RAPGEF4: variants seen among roughly 807,000 people sequenced by gnomAD.
The protein encoded by RAPGEF4 is RAP guanine-nucleotide-exchange factor (GEF) 4.
Under a neutral mutation model 147.9 loss-of-function variants are expected in RAPGEF4, and 66 were observed. The ratio of observed to expected loss-of-function variants is 0.45; its 90% CI spans 0.37 to 0.55. RAPGEF4 has a LOEUF of 0.55. Ranked by LOEUF, RAPGEF4 falls within the 20% of genes least tolerant of loss-of-function variation. The pLI, the probability that RAPGEF4 is intolerant of heterozygous loss-of-function variation, is 0.00. For missense variants in RAPGEF4, 1,071 were observed against 1,257.3 expected, an observed-to-expected ratio of 0.85 and a Z score of 2.24; for synonymous variants, 419 against 442.7, an observed-to-expected ratio of 0.95 and a Z score of 0.67.
intron 10 of RAPGEF4, among the ~76,000 whole-genome samples, chr2:172,981,129 C>G (rs751505298): frequency 2.0e-5 from 3 of 152,190 alleles, no homozygotes; most frequent in Non-Finnish European, 4.4e-5. Flanking sequence ...TTTCTCCTCT[C>G]ACCGTAACAG....
At chr2:173,040,115 G>A (rs563824031) in intron 29 of RAPGEF4, among the ~76,000 whole-genome samples, 8 of 149,648 alleles carry the variant, frequency 5.3e-5, no homozygotes, top group African/African-American at 2.0e-4. Context: ...TTGAACCTGG[G>A]AGGCAGAGAT....
chr2:172,817,932 A>ATT (rs1300162966), intron 4 of RAPGEF4, among the ~76,000 whole-genome samples: 1 of 147,202 alleles, frequency 6.8e-6, no homozygotes, highest in African/African-American at 2.5e-5. Context: ...ACATATTACA[A>ATT]TTATATATAT....
chr2:173,030,973 A>G (rs900568601), intron 26 of RAPGEF4, among the ~76,000 whole-genome samples: 1 of 152,202 alleles, frequency 6.6e-6, no homozygotes, highest in African/African-American at 2.4e-5. Flanking sequence ...ACTAATCTCT[A>G]ATAGAACATA....
In RAPGEF4 at chr2:172,940,049, T is replaced by C. The variant is rs193111143; in HGVS notation, c.537+17749T>C. On this transcript the variant is annotated intron_variant, in intron 6 of 30. Coordinates refer to ENST00000397081, the MANE Select transcript of RAPGEF4 (RefSeq NM_007023.4). Reference sequence around the variant, plus strand: ...TAGCTTTATTATAATTCTCAGACTTTCCTAGTTTTTGGTAACTATGACAGT... The same window carrying C: ...TAGCTTTATTATAATTCTCAGACTTCCCTAGTTTTTGGTAACTATGACAGT... 9.8e-5 allele frequency among the ~76,000 whole-genome samples: 15 copies of C among 152,320 alleles called. 1 individual carries two copies. In the East Asian group the frequency reaches 2.3e-3, roughly 23 times the overall value.
chr2:172,788,908 A>G (rs1489244257), intron 1 of RAPGEF4, among the ~76,000 whole-genome samples: 1 of 151,878 alleles, frequency 6.6e-6, no homozygotes, highest in Non-Finnish European at 1.5e-5. Flanking sequence ...AAATAAAATA[A>G]AATAAAATAA....
chr2:172,837,088 G>A (rs1691033268), intron 4 of RAPGEF4, among the ~76,000 whole-genome samples: 1 of 152,154 alleles, frequency 6.6e-6, no homozygotes, highest in Non-Finnish European at 1.5e-5. Flanking sequence ...CAGAACATGA[G>A]CATTACCATT....
intron 4 of RAPGEF4, among the ~76,000 whole-genome samples, chr2:172,872,155 G>T (rs758642911): frequency 7.2e-5 from 11 of 152,060 alleles, no homozygotes; most frequent in African/African-American, 1.4e-4. Flanking sequence ...TTTCTTTAAG[G>T]TATATATTGT....
intron 1 of RAPGEF4, among the ~76,000 whole-genome samples, chr2:172,787,316 T>C (rs1452404319): frequency 6.6e-6 from 1 of 152,172 alleles, no homozygotes; most frequent in Non-Finnish European, 1.5e-5. Context: ...ATTATTACCA[T>C]TATGATTTAT....
At chr2:173,019,320 A>C (rs1170715051) in intron 22 of RAPGEF4, among the ~76,000 whole-genome samples, 2 of 152,220 alleles carry the variant, frequency 1.3e-5, no homozygotes, top group African/African-American at 4.8e-5. Context: ...CCTTGATTAC[A>C]TGGTGCATTT....
chr2:172,913,912 T>C (rs569451594), intron 4 of RAPGEF4, among the ~76,000 whole-genome samples: 1 of 152,334 alleles, frequency 6.6e-6, no homozygotes, highest in South Asian at 2.1e-4. Flanking sequence ...ACAATCCTGG[T>C]TACTACTTTC....
At chr2:172,907,056 C>A (rs568935695) in intron 4 of RAPGEF4, among the ~76,000 whole-genome samples, 1 of 152,334 alleles carries the variant, frequency 6.6e-6, no homozygotes, top group East Asian at 1.9e-4. Context: ...CTGGGTTTAT[C>A]CCCACCACCC....
chr2:172,752,550 A>G (rs1304900323), intron 1 of RAPGEF4, among the ~76,000 whole-genome samples: 1 of 152,210 alleles, frequency 6.6e-6, no homozygotes, highest in Non-Finnish European at 1.5e-5. Flanking sequence ...ATGGTATTTG[A>G]AAGTCTAGGT....
chr2:173,039,820 G>GT (rs1404924574), intron 29 of RAPGEF4, among the ~76,000 whole-genome samples: 13 of 152,212 alleles, frequency 8.5e-5, no homozygotes, highest in African/African-American at 3.1e-4. Flanking sequence ...AAAGAGTACT[G>GT]TAAGTTCTCT....
At chr2:172,969,962 A>G (rs1406612258) in intron 10 of RAPGEF4, among the ~76,000 whole-genome samples, 3 of 152,210 alleles carry the variant, frequency 2.0e-5, no homozygotes, top group African/African-American at 2.4e-5. Context: ...AGGTTTTACA[A>G]ATATTCCAAG....
chr2:172,819,603 C>T lies in RAPGEF4; in HGVS notation c.444+5178C>T, dbSNP rs113786473. Among the ~76,000 whole-genome samples the T allele has an allele frequency of 7.5e-3, 1,108 of 147,704 alleles. 15 individuals are homozygous for T. The highest frequency in any genetic ancestry group is 0.026 in the African/African-American group (1,006 of 38,974). On this transcript the variant is annotated intron_variant, in intron 4 of 30. Coordinates refer to ENST00000397081, the MANE Select transcript of RAPGEF4 (RefSeq NM_007023.4). ...GCCTCAGCCTCCCAAGTAGCTGGGACTACAGGCGCCCGCCACTACGCCCGG... is the reference window on the plus strand; with the variant it reads ...GCCTCAGCCTCCCAAGTAGCTGGGATTACAGGCGCCCGCCACTACGCCCGG...
intron 6 of RAPGEF4, among the ~76,000 whole-genome samples, chr2:172,933,715 C>A (rs1686226184): frequency 6.6e-6 from 1 of 152,156 alleles, no homozygotes; most frequent in Non-Finnish European, 1.5e-5. Flanking sequence ...TATTTAAGAT[C>A]ATTTATGTTT....
At chr2:172,911,665 G>A (rs1294155047) in intron 4 of RAPGEF4, among the ~76,000 whole-genome samples, 1 of 151,150 alleles carries the variant, frequency 6.6e-6, no homozygotes, top group African/African-American at 2.4e-5. Flanking sequence ...CACCATGTTG[G>A]CCAGGCAGGT....
At chr2:172,814,874 T>C (rs1688353363) in intron 4 of RAPGEF4, 2 of 237,422 alleles carry the variant, frequency 8.4e-6, no homozygotes, top group South Asian at 1.2e-4. Context: ...TAATAAGATA[T>C]GAGAAATGGA....
chr2:172,754,838 G>T (rs936539686), intron 1 of RAPGEF4, among the ~76,000 whole-genome samples: 2 of 152,122 alleles, frequency 1.3e-5, no homozygotes, highest in East Asian at 3.9e-4. Flanking sequence ...GTCAGGAGAT[G>T]GAGACCATCC....
Sources: gnomAD v4.1 joint callset for allele counts (sites outside exome capture counted in the v4.1 genomes callset) on GRCh38, gnomAD v4.1.1 for gene constraint, MANE v1.5 for transcripts, NCBI Gene and HGNC (gene_info 2026-07-23, HGNC 2026-07-21) for gene names.